GABRB2: variants seen among roughly 807,000 people sequenced by gnomAD.
The protein encoded by GABRB2 is gamma-aminobutyric acid receptor subunit beta-2.
Under a neutral mutation model 54.7 loss-of-function variants are expected in GABRB2, and 16 were observed. The ratio of observed to expected loss-of-function variants is 0.29; its 90% CI spans 0.20 to 0.44. The LOEUF is 0.44. Among genes scored for constraint, GABRB2 ranks in the 20% least tolerant of loss-of-function variants. The probability of loss-of-function intolerance (pLI) is 1.00; values close to 1 mark genes in which losing one functional copy is unlikely to be tolerated. For missense variants in GABRB2, 355 were observed against 644.0 expected, an observed-to-expected ratio of 0.55 and a Z score of 4.86; for synonymous variants, 244 against 233.8, an observed-to-expected ratio of 1.04 and a Z score of -0.40.
intron 3 of GABRB2, among the ~76,000 whole-genome samples, chr5:161,496,037 A>C (rs1487825585): frequency 1.3e-5 from 2 of 152,132 alleles, no homozygotes; most frequent in Non-Finnish European, 1.5e-5. Context: ...GTCTACTAGC[A>C]ATGGTGACAA....
intron 3 of GABRB2, among the ~76,000 whole-genome samples, chr5:161,468,018 C>G (rs1758327392): frequency 6.6e-6 from 1 of 152,044 alleles, no homozygotes; most frequent in African/African-American, 2.4e-5. Context: ...AATTCAGCAG[C>G]AAGTTTTGAC....
At chr5:161,364,235 T>C (rs575791316) in intron 5 of GABRB2, among the ~76,000 whole-genome samples, 5 of 152,236 alleles carry the variant, frequency 3.3e-5, no homozygotes, top group Non-Finnish European at 5.9e-5. Flanking sequence ...AATATATTTA[T>C]TTCTATAACC....
At chr5:161,401,050 C>T (rs188173674) in intron 5 of GABRB2, among the ~76,000 whole-genome samples, 12 of 152,242 alleles carry the variant, frequency 7.9e-5, no homozygotes, top group Admixed American at 4.6e-4. Flanking sequence ...TACTGATTCA[C>T]GGGAAAGTCT....
chr5:161,295,605 A>G (rs1373621017), intron 9 of GABRB2, among the ~76,000 whole-genome samples: 1 of 152,228 alleles, frequency 6.6e-6, no homozygotes, highest in East Asian at 1.9e-4. Flanking sequence ...TGGAAGATAC[A>G]ATGCTCTGAG....
At chr5:161,513,352 C>T (rs979769687) in intron 3 of GABRB2, among the ~76,000 whole-genome samples, 1 of 151,966 alleles carries the variant, frequency 6.6e-6, no homozygotes, top group Non-Finnish European at 1.5e-5. Flanking sequence ...CAGCACTGTT[C>T]GCAATAGCAA....
At chr5:161,488,818 A>C (rs1759010984) in intron 3 of GABRB2, among the ~76,000 whole-genome samples, 1 of 151,814 alleles carries the variant, frequency 6.6e-6, no homozygotes, top group Non-Finnish European at 1.5e-5. Flanking sequence ...AAAGGTATAC[A>C]CAAATGTCAT....
At chr5:161,541,442 T>A (rs763896191) in intron 3 of GABRB2, among the ~76,000 whole-genome samples, 2 of 152,228 alleles carry the variant, frequency 1.3e-5, no homozygotes, top group Non-Finnish European at 2.9e-5. Flanking sequence ...CAGTCTTAGA[T>A]GTCATCTTCT....
At chr5:161,545,111 A>C in intron 3 of GABRB2, 116 bp downstream of exon 3, 5 of 574,750 alleles carry the variant, frequency 8.7e-6, no homozygotes, top group East Asian at 3.5e-5. Flanking sequence ...CCATGCTCTC[A>C]CCCCCACCTC....
At position 161,341,030 on chromosome 5, in the gene GABRB2, T is replaced by A. The variant is rs1181129263; in HGVS notation, c.542-4261A>T. Among the ~76,000 whole-genome samples the A allele has an allele frequency of 4.6e-5, 7 of 152,160 alleles. No homozygotes were observed. The South Asian group carries it at 8.3e-4, about 18-fold the overall frequency. ...TTTTAGGCTAACCAAGAATAGAAGA[T>A]TGCAAATGGAAAGCAAATGTTGCTA... On this transcript the variant is annotated intron_variant, in intron 5 of 9. Coordinates refer to ENST00000393959, the MANE Select transcript of GABRB2 (RefSeq NM_001371727.1).
At chr5:161,455,333 C>CCA (rs1354394759) in intron 4 of GABRB2, among the ~76,000 whole-genome samples, 1 of 152,088 alleles carries the variant, frequency 6.6e-6, no homozygotes, top group Non-Finnish European at 1.5e-5. Context: ...ACCCACTGAG[C>CCA]CACACATCCT....
chr5:161,364,510 A>T (rs2113457492), intron 5 of GABRB2, among the ~76,000 whole-genome samples: 1 of 152,314 alleles, frequency 6.6e-6, no homozygotes, highest in African/African-American at 2.4e-5. Flanking sequence ...ATTCATATGT[A>T]GGATGATCAC....
At chr5:161,308,779 T>A (rs1757774925) in intron 9 of GABRB2, among the ~76,000 whole-genome samples, 1 of 152,218 alleles carries the variant, frequency 6.6e-6, no homozygotes, top group Admixed American at 6.5e-5. Context: ...TCCTATTCAA[T>A]AAATGTTGCT....
intron 9 of GABRB2, among the ~76,000 whole-genome samples, chr5:161,323,382 C>T (rs541079812): frequency 6.6e-6 from 1 of 152,240 alleles, no homozygotes; most frequent in South Asian, 2.1e-4. Context: ...GAGGTCTTCT[C>T]CTTGCCTTCC....
intron 5 of GABRB2, among the ~76,000 whole-genome samples, chr5:161,355,597 T>C (rs1754599336): frequency 6.6e-6 from 1 of 151,936 alleles, no homozygotes; most frequent in South Asian, 2.1e-4. Context: ...CTCTACTGAT[T>C]AACATTTACA....
chr5:161,452,877 G>A (rs1336409371), intron 4 of GABRB2, among the ~76,000 whole-genome samples: 1 of 152,050 alleles, frequency 6.6e-6, no homozygotes, highest in African/African-American at 2.4e-5. Context: ...ATGCCTGTAG[G>A]TCCAGCTACT....
At chr5:161,504,448 A>T (rs1759541597) in intron 3 of GABRB2, among the ~76,000 whole-genome samples, 1 of 152,180 alleles carries the variant, frequency 6.6e-6, no homozygotes, top group African/African-American at 2.4e-5. Context: ...AAATACTTTT[A>T]AAAAATTCAC....
chr5:161,329,630 T>C (rs768262711), intron 8 of GABRB2: 57 of 152,230 alleles, frequency 3.7e-4, no homozygotes, highest in Admixed American at 2.7e-3. Context: ...TTTGCTATCC[T>C]TGAAATTAAT....
At chr5:161,499,110 GC>G (rs1384229337) in intron 3 of GABRB2, among the ~76,000 whole-genome samples, 3 of 151,942 alleles carry the variant, frequency 2.0e-5, no homozygotes, top group Middle Eastern at 3.2e-3. Context: ...ACTAGCATTG[GC>G]CCCCTGGACC....
intron 9 of GABRB2, among the ~76,000 whole-genome samples, chr5:161,316,969 G>T (rs146146142): frequency 3.8e-4 from 58 of 152,170 alleles, no homozygotes; most frequent in Non-Finnish European, 7.6e-4. Flanking sequence ...TTTACATGGG[G>T]TTGTAATTAT....
Sources: allele counts gnomAD v4.1 joint callset (sites outside exome capture counted in the v4.1 genomes callset), GRCh38; gene constraint gnomAD v4.1.1; transcripts MANE v1.5; gene names NCBI Gene and HGNC (gene_info 2026-07-23, HGNC 2026-07-21).